The following CCDC7 variants were observed in gnomAD, a reference collection of about 807,000 sequenced individuals.
The protein encoded by CCDC7 is coiled-coil domain-containing protein 7.
CCDC7 carries 183 observed loss-of-function variants against 196.9 expected under a neutral mutation model. That is an observed-to-expected ratio of 0.93 (90% CI 0.82 to 1.05). The LOEUF (loss-of-function observed/expected upper bound fraction) is 1.05, where lower values mean the gene tolerates loss of function less well. Among genes scored for constraint, CCDC7 ranks in the 50% least tolerant of loss-of-function variants. The pLI, the probability that CCDC7 is intolerant of heterozygous loss-of-function variation, is 0.00. For missense variants in CCDC7, 1,540 were observed against 1,482.2 expected, an observed-to-expected ratio of 1.04 and a Z score of -0.64; for synonymous variants, 525 against 484.6, an observed-to-expected ratio of 1.08 and a Z score of -1.10.
chr10:32,735,973 T>C (rs974429512), intron 28 of CCDC7, among the ~76,000 whole-genome samples: 14 of 152,212 alleles, frequency 9.2e-5, no homozygotes, highest in Admixed American at 4.6e-4. Context: ...TTGTTGACTA[T>C]ATTTATGTGA....
chr10:32,706,419 C>T (rs1555033187), intron 24 of CCDC7, among the ~76,000 whole-genome samples: 1 of 151,934 alleles, frequency 6.6e-6, no homozygotes. Flanking sequence ...ACTAGAGAAG[C>T]AAGAGCAAAC....
intron 21 of CCDC7, among the ~76,000 whole-genome samples, chr10:32,685,241 G>T: frequency 2.1e-5 from 3 of 142,794 alleles, no homozygotes; most frequent in Admixed American, 7.1e-5. Flanking sequence ...ATTATCTCCT[G>T]GAAATCCCTA....
intron 18 of CCDC7, among the ~76,000 whole-genome samples, chr10:32,621,288 C>T (rs2063381098): frequency 6.6e-6 from 1 of 152,156 alleles, no homozygotes; most frequent in Non-Finnish European, 1.5e-5. Context: ...GCTGTCTCTT[C>T]TTTATACCAC....
intron 3 of CCDC7, among the ~76,000 whole-genome samples, chr10:32,459,490 G>T (rs1453527157): frequency 6.6e-6 from 1 of 152,010 alleles, no homozygotes; most frequent in Non-Finnish European, 1.5e-5. Flanking sequence ...TCAAGGAAGG[G>T]GTGGGGCAAG....
At chr10:32,794,950 C>T (rs1196502959) in intron 29 of CCDC7, among the ~76,000 whole-genome samples, 2 of 152,260 alleles carry the variant, frequency 1.3e-5, no homozygotes, top group South Asian at 2.1e-4. Context: ...AGGAGCTGTT[C>T]AGGGTCTGGA....
chr10:32,750,524 C>A (rs2075495567), intron 28 of CCDC7, among the ~76,000 whole-genome samples: 1 of 152,092 alleles, frequency 6.6e-6, no homozygotes, highest in African/African-American at 2.4e-5. Context: ...GGTAAGAGGT[C>A]TGGGAAAGGT....
At chr10:32,506,996 A>G (rs2045288443) in intron 9 of CCDC7, among the ~76,000 whole-genome samples, 1 of 152,122 alleles carries the variant, frequency 6.6e-6, no homozygotes, top group South Asian at 2.1e-4. Flanking sequence ...TGCATGGAGT[A>G]TCTTTTTCCA....
chr10:32,757,166 C>A (rs1027947083), intron 28 of CCDC7, among the ~76,000 whole-genome samples: 3 of 152,140 alleles, frequency 2.0e-5, no homozygotes, highest in Non-Finnish European at 2.9e-5. Flanking sequence ...GACTTTAACA[C>A]CCCACTGTCA....
At chr10:32,663,087 G>A (rs2038720999) in intron 20 of CCDC7, among the ~76,000 whole-genome samples, 1 of 149,062 alleles carries the variant, frequency 6.7e-6, no homozygotes, top group African/African-American at 2.6e-5. Flanking sequence ...TCCTTCTTGG[G>A]CAAAGTGGCC....
At chr10:32,824,281 T>C (rs2090759201) in intron 31 of CCDC7, among the ~76,000 whole-genome samples, 1 of 152,170 alleles carries the variant, frequency 6.6e-6, no homozygotes, top group South Asian at 2.1e-4. Flanking sequence ...TATTACTTGC[T>C]ATATGGTCTT....
chr10:32,445,111 C>G (rs571547291), upstream of CCDC7, among the ~76,000 whole-genome samples: 2 of 152,292 alleles, frequency 1.3e-5, no homozygotes, highest in African/African-American at 2.4e-5. Context: ...CCTCAGGCTC[C>G]CAAAGTGCTG....
chr10:32,862,244 G>A (rs775904657), intron 41 of CCDC7, among the ~76,000 whole-genome samples: 10 of 152,108 alleles, frequency 6.6e-5, no homozygotes, highest in Admixed American at 2.0e-4. Flanking sequence ...CCATAAAAAA[G>A]AATGAGTTCA....
At chr10:32,581,129 G>T (rs2058694852) in intron 16 of CCDC7, among the ~76,000 whole-genome samples, 1 of 152,090 alleles carries the variant, frequency 6.6e-6, no homozygotes, top group Non-Finnish European at 1.5e-5. Context: ...TGATGTTGAA[G>T]ACTGTCATGT....
At chr10:32,766,837 T>A (rs1019518702) in intron 28 of CCDC7, among the ~76,000 whole-genome samples, 1 of 152,100 alleles carries the variant, frequency 6.6e-6, no homozygotes, top group Non-Finnish European at 1.5e-5. Flanking sequence ...TCTGCTACAT[T>A]ACCTTCTCTC....
chr10:32,651,933 A>G (rs2140169454), intron 20 of CCDC7, among the ~76,000 whole-genome samples: 1 of 152,336 alleles, frequency 6.6e-6, no homozygotes, highest in Middle Eastern at 3.4e-3. Context: ...GTGCTTGTCC[A>G]AGATGGCAAT....
intron 20 of CCDC7, among the ~76,000 whole-genome samples, chr10:32,661,187 A>G (rs1395405063): frequency 6.6e-6 from 1 of 151,470 alleles, no homozygotes; most frequent in Non-Finnish European, 1.5e-5. Flanking sequence ...TTCTCAAAAG[A>G]AGACATTTAT....
chr10:32,782,623 G>A (rs2081244493), intron 29 of CCDC7, among the ~76,000 whole-genome samples: 1 of 152,202 alleles, frequency 6.6e-6, no homozygotes, highest in South Asian at 2.1e-4. Context: ...ATACTTATGA[G>A]GTTATTGTTG....
At chr10:32,749,385 TGTCA>T (rs1246479607) in intron 28 of CCDC7, among the ~76,000 whole-genome samples, 1 of 152,186 alleles carries the variant, frequency 6.6e-6, no homozygotes, top group Non-Finnish European at 1.5e-5. Context: ...CTTCCATTTG[TGTCA>T]GTCATTTATC....
In CCDC7 at chr10:32,553,327, T is replaced by G. The variant is rs138737917; in HGVS notation, c.1134+9026T>G. Among the ~76,000 whole-genome samples, 97 of 152,256 alleles carry G rather than the reference T, an allele frequency of 6.4e-4. 3 individuals carry two copies. The East Asian group carries it at 0.019, about 29-fold the overall frequency. ...CTTGAGTATTTCTCCCTTCACTTGT[T>G]GTATCATTTTTTGGATTTCCTTGCA... On this transcript the variant is annotated intron_variant, in intron 13 of 41. Coordinates refer to ENST00000639629, the Ensembl canonical transcript of CCDC7.
Sources: gnomAD v4.1 joint callset for allele counts (sites outside exome capture counted in the v4.1 genomes callset) on GRCh38, gnomAD v4.1.1 for gene constraint, MANE v1.5 for transcripts, NCBI Gene and HGNC (gene_info 2026-07-23, HGNC 2026-07-21) for gene names.